LTBP1: variants seen among roughly 807,000 people sequenced by gnomAD.
LTBP1 encodes the protein latent transforming growth factor beta binding protein 1, also known as latent-transforming growth factor beta-binding protein 1.
LTBP1 carries 129 observed loss-of-function variants against 207.6 expected under a neutral mutation model. The ratio of observed to expected loss-of-function variants is 0.62; its 90% CI spans 0.54 to 0.72. The LOEUF (loss-of-function observed/expected upper bound fraction) is 0.72. Ranked by LOEUF, LTBP1 falls within the 30% of genes least tolerant of loss-of-function variation. LTBP1 has a pLI of 0.00. For missense variants in LTBP1, 2,281 were observed against 2,217.2 expected, an observed-to-expected ratio of 1.03 and a Z score of -0.58; for synonymous variants, 963 against 833.7, an observed-to-expected ratio of 1.16 and a Z score of -2.67.
At chr2:33,143,083 A>G (rs1423372847) in intron 5 of LTBP1, among the ~76,000 whole-genome samples, 2 of 152,160 alleles carry the variant, frequency 1.3e-5, no homozygotes, top group African/African-American at 4.8e-5. Flanking sequence ...GGGATACCAA[A>G]GGTCCCCAAG....
At chr2:33,139,878 G>A (rs2082502678) in intron 5 of LTBP1, among the ~76,000 whole-genome samples, 1 of 152,212 alleles carries the variant, frequency 6.6e-6, no homozygotes, top group Admixed American at 6.5e-5. Flanking sequence ...GGTTGGGAAG[G>A]CAGATTGGTG....
At chr2:33,025,775 A>G (rs1328290399) in intron 3 of LTBP1, among the ~76,000 whole-genome samples, 1 of 152,226 alleles carries the variant, frequency 6.6e-6, no homozygotes, top group Non-Finnish European at 1.5e-5. Context: ...GTATAGAGGT[A>G]ATAAGATTGG....
chr2:33,063,327 C>T (rs2149658045), intron 3 of LTBP1, among the ~76,000 whole-genome samples: 1 of 152,050 alleles, frequency 6.6e-6, no homozygotes, highest in East Asian at 1.9e-4. Flanking sequence ...TGCTTTCACA[C>T]TCATTGTCTC....
intron 5 of LTBP1, among the ~76,000 whole-genome samples, chr2:33,135,974 G>A (rs2082115101): frequency 6.6e-6 from 1 of 152,170 alleles, no homozygotes; most frequent in Admixed American, 6.5e-5. Flanking sequence ...GTCTGGGGGG[G>A]TGGTAGGAGA....
At chr2:33,342,113 G>T (rs2094634515) in intron 24 of LTBP1, among the ~76,000 whole-genome samples, 1 of 152,148 alleles carries the variant, frequency 6.6e-6, no homozygotes, top group Admixed American at 6.5e-5. Context: ...CTAAAAGTCT[G>T]TTGTAACTTT....
At chr2:32,975,779 A>G (rs1381393287) in intron 2 of LTBP1, among the ~76,000 whole-genome samples, 1 of 151,786 alleles carries the variant, frequency 6.6e-6, no homozygotes, top group East Asian at 1.9e-4. Flanking sequence ...TAAGATGACC[A>G]TTTTATCCTT....
intron 16 of LTBP1, among the ~76,000 whole-genome samples, chr2:33,274,488 G>T (rs11689377): frequency 0.022 from 3,421 of 152,134 alleles, 65 homozygotes; most frequent in Non-Finnish European, 0.036. Flanking sequence ...CAGCCACCTG[G>T]TCCATAATTT....
intron 5 of LTBP1, among the ~76,000 whole-genome samples, chr2:33,142,197 G>A (rs2082687666): frequency 6.6e-6 from 1 of 151,606 alleles, no homozygotes; most frequent in Admixed American, 6.6e-5. Context: ...GATCACAGGC[G>A]CCCACCACCA....
chr2:33,125,009 T>C (rs564858238), intron 4 of LTBP1, among the ~76,000 whole-genome samples: 15 of 152,348 alleles, frequency 9.8e-5, no homozygotes, highest in Admixed American at 8.5e-4. Flanking sequence ...GTTGTGAGAA[T>C]GAAGTGAGAT....
chr2:33,085,976 A>G (rs974101190), intron 3 of LTBP1, among the ~76,000 whole-genome samples: 1 of 152,216 alleles, frequency 6.6e-6, no homozygotes, highest in Admixed American at 6.5e-5. Context: ...CACCATGCAG[A>G]TGGTCCATCT....
chr2:32,999,290 T>C (rs542470588), intron 2 of LTBP1, among the ~76,000 whole-genome samples: 11 of 152,336 alleles, frequency 7.2e-5, no homozygotes, highest in Admixed American at 5.9e-4. Context: ...ATAGTCGTTT[T>C]CTTTCCGGGA....
chr2:32,988,777 G>T (rs762600812), intron 2 of LTBP1, among the ~76,000 whole-genome samples: 6 of 152,200 alleles, frequency 3.9e-5, no homozygotes, highest in Non-Finnish European at 7.3e-5. Flanking sequence ...AGAATTTACT[G>T]AATGCTGCAG....
intron 3 of LTBP1, among the ~76,000 whole-genome samples, chr2:33,086,454 G>A (rs936644303): frequency 6.6e-6 from 1 of 152,204 alleles, no homozygotes; most frequent in African/African-American, 2.4e-5. Context: ...TGTAGCAGCA[G>A]CAGGCCCAGG....
chr2:33,200,484 A>G (rs2089107778), intron 7 of LTBP1, among the ~76,000 whole-genome samples: 2 of 152,246 alleles, frequency 1.3e-5, no homozygotes, highest in Admixed American at 1.3e-4. Context: ...TTGAAGATGG[A>G]TTAAAGACTT....
At chr2:33,249,241 G>A (rs2092608471) in intron 10 of LTBP1, among the ~76,000 whole-genome samples, 1 of 151,388 alleles carries the variant, frequency 6.6e-6, no homozygotes, top group Non-Finnish European at 1.5e-5. Context: ...ACCCATTTAT[G>A]CCTGGTGTTC....
At chr2:33,206,833 A>G (rs574268232) in intron 7 of LTBP1, among the ~76,000 whole-genome samples, 3 of 152,072 alleles carry the variant, frequency 2.0e-5, no homozygotes, top group East Asian at 1.9e-4. Flanking sequence ...AATCATGGCT[A>G]TATGCACATC....
Position 33,365,369 on chromosome 2 carries a change from G to T in LTBP1, c.4577G>T (p.Cys1526Phe). ...GAAACTGATGTCTACCAAGATTTGT[G>T]CTGGGAACATCTGAGTGATGAATAC... ...IEETDVYQDL[C>F]WEHLSDEYVC... is the part of the protein sequence containing the mutation. Residue 1526 changes from cysteine to phenylalanine, a missense_variant, in exon 31 of 34, where the codon TGC (cysteine) becomes TTC (phenylalanine). Cys to Phe is a radical substitution (Grantham distance 205). This residue lies in a region of LTBP1 where 1,671 missense variants were observed against 1,634.8 expected (regional missense o/e 1.02). Transcript: ENST00000404816. The T allele has an allele frequency of 1.9e-6, 3 of 1,614,178 alleles. No homozygotes were observed. Among genetic ancestry groups the T allele is most frequent in the Non-Finnish European group, 2.5e-6 (3 of 1,180,018 alleles).
intron 22 of LTBP1, among the ~76,000 whole-genome samples, chr2:33,305,405 A>G (rs2094072203): frequency 6.6e-6 from 1 of 151,806 alleles, no homozygotes; most frequent in African/African-American, 2.4e-5. Flanking sequence ...AGAGCGGGGT[A>G]TATGGGGAGT....
intron 4 of LTBP1, among the ~76,000 whole-genome samples, chr2:33,111,119 G>A (rs146365731): frequency 3.3e-5 from 5 of 152,254 alleles, no homozygotes; most frequent in East Asian, 3.9e-4. Context: ...CTTGTGAAAC[G>A]TCTGAAATGT....
Sources: allele counts gnomAD v4.1 joint callset (sites outside exome capture counted in the v4.1 genomes callset), GRCh38; gene constraint gnomAD v4.1.1; regional missense constraint gnomAD v4.1.1; transcripts MANE v1.5; gene names NCBI Gene and HGNC (gene_info 2026-07-23, HGNC 2026-07-21).